VWA8: variants seen among roughly 807,000 people sequenced by gnomAD.
VWA8 encodes the protein von Willebrand factor A domain containing 8.
In VWA8, 221 loss-of-function variants were observed where a neutral mutation model predicts 241.5. The observed-to-expected ratio is 0.91, with a 90% CI of 0.82 to 1.02. The LOEUF (loss-of-function observed/expected upper bound fraction) is 1.02. Among genes scored for constraint, VWA8 ranks in the 50% least tolerant of loss-of-function variants. The pLI, the probability that VWA8 is intolerant of heterozygous loss-of-function variation, is 0.00. For missense variants in VWA8, 2,322 were observed against 2,328.7 expected, an observed-to-expected ratio of 1.00 and a Z score of 0.06; for synonymous variants, 852 against 827.1, an observed-to-expected ratio of 1.03 and a Z score of -0.52.
intron 20 of VWA8, among the ~76,000 whole-genome samples, chr13:41,764,660 GT>G (rs1159094607): frequency 6.6e-6 from 1 of 152,158 alleles, no homozygotes; most frequent in Non-Finnish European, 1.5e-5. Context: ...AGAACAGTAT[GT>G]GTCAAGACTC....
intron 37 of VWA8, among the ~76,000 whole-genome samples, chr13:41,623,733 G>T (rs767918450): frequency 2.6e-5 from 4 of 152,148 alleles, no homozygotes; most frequent in African/African-American, 4.8e-5. Context: ...GGGATACAGA[G>T]ATTTCTCACA....
At chr13:41,623,598 A>G (rs2139668919) in intron 37 of VWA8, among the ~76,000 whole-genome samples, 1 of 152,330 alleles carries the variant, frequency 6.6e-6, no homozygotes, top group South Asian at 2.1e-4. Flanking sequence ...TCAGCACAGA[A>G]ATCCTAATTA....
intron 37 of VWA8, among the ~76,000 whole-genome samples, chr13:41,657,645 G>A (rs1234435803): frequency 2.6e-5 from 4 of 151,840 alleles, no homozygotes; most frequent in South Asian, 2.1e-4. Flanking sequence ...GCCCGCCACC[G>A]CGCCCGGCTA....
chr13:41,673,534 A>G (rs542198854), intron 36 of VWA8, among the ~76,000 whole-genome samples: 1 of 152,338 alleles, frequency 6.6e-6, no homozygotes, highest in South Asian at 2.1e-4. Context: ...GCAAGTCCAA[A>G]TGGAGATGTG....
intron 35 of VWA8, among the ~76,000 whole-genome samples, chr13:41,677,340 C>G (rs550677636): frequency 6.6e-6 from 1 of 152,286 alleles, no homozygotes; most frequent in South Asian, 2.1e-4. Context: ...CCCTGAGTAA[C>G]CATCATCCTC....
chr13:41,629,206 T>C (rs2044711887), intron 37 of VWA8, among the ~76,000 whole-genome samples: 1 of 152,090 alleles, frequency 6.6e-6, no homozygotes, highest in Non-Finnish European at 1.5e-5. Context: ...GGAATATCAT[T>C]AACCAGGGAG....
chr13:41,687,358 A>G (rs1444174332), intron 34 of VWA8, among the ~76,000 whole-genome samples: 1 of 152,224 alleles, frequency 6.6e-6, no homozygotes, highest in African/African-American at 2.4e-5. Context: ...TATTTGCTAC[A>G]GATTCTTATA....
At chr13:41,792,758 T>C (rs1483947334) in intron 17 of VWA8, among the ~76,000 whole-genome samples, 2 of 152,196 alleles carry the variant, frequency 1.3e-5, no homozygotes, top group East Asian at 1.9e-4. Flanking sequence ...TAAAGATGTA[T>C]ACTTTTCTCC....
chr13:41,853,822 G>A (rs911763431), intron 12 of VWA8, among the ~76,000 whole-genome samples: 3 of 151,978 alleles, frequency 2.0e-5, no homozygotes, highest in Admixed American at 6.6e-5. Flanking sequence ...CTTTTCTGTG[G>A]TTTTTCTGTT....
chr13:41,666,943 T>C (rs2044990546), intron 37 of VWA8, among the ~76,000 whole-genome samples: 1 of 152,128 alleles, frequency 6.6e-6, no homozygotes, highest in Admixed American at 6.6e-5. Context: ...CACATGTACA[T>C]ATAACAATCC....
At chr13:41,648,249 C>T (rs2044845115) in intron 37 of VWA8, among the ~76,000 whole-genome samples, 1 of 152,050 alleles carries the variant, frequency 6.6e-6, no homozygotes, top group South Asian at 2.1e-4. Context: ...TTGGAAAAAA[C>T]CCTACCCAAA....
At chr13:41,682,861 A>G (rs1219084290) in intron 35 of VWA8, among the ~76,000 whole-genome samples, 2 of 152,184 alleles carry the variant, frequency 1.3e-5, no homozygotes, top group Non-Finnish European at 1.5e-5. Flanking sequence ...CACATAAAAC[A>G]AAATACTCAA....
At position 41,887,356 on chromosome 13, in the gene VWA8, A is replaced by G; in HGVS notation, c.657T>C (p.His219=). The G allele has an allele frequency of 1.2e-6, 2 of 1,609,722 alleles. No individual in the cohort carries two copies. The highest frequency in any genetic ancestry group is 1.7e-6 in the Non-Finnish European group (2 of 1,178,814). Residue 219 remains histidine (H), a synonymous_variant, in exon 6 of 45, where the codon CAT becomes CAC. Coordinates refer to ENST00000379310, the MANE Select transcript of VWA8 (RefSeq NM_015058.2). Reference sequence around the variant, plus strand: ...TCCAAGAATCCAACTCTTTTTTGGTATGATCCTATAAAAGTAAGAGATCCG... The same window carrying G: ...TCCAAGAATCCAACTCTTTTTTGGTGTGATCCTATAAAAGTAAGAGATCCG... ...AERYDKLLRD[H]TKKELDSWKI...
At chr13:41,675,336 T>C in intron 35 of VWA8, 40 bp from the exon 36 acceptor site, 1 of 1,444,726 alleles carries the variant, frequency 6.9e-7, no homozygotes, top group Non-Finnish European at 9.7e-7. Flanking sequence ...ATTAAATTAC[T>C]GCAAGATACC....
At position 41,912,069 on chromosome 13, in the gene VWA8, G is replaced by A. The variant is rs1392495387; in HGVS notation, c.341C>T (p.Pro114Leu). 1 of 1,606,350 alleles carries A rather than the reference G, an allele frequency of 6.2e-7. No homozygotes were observed. Among genetic ancestry groups the A allele is most frequent in the South Asian group, 1.1e-5 (1 of 89,726 alleles). ...QDVFLIGPPG[P>L]LRRSIAMQYL... ...CTGCATAGCAATAGAGCGTCGAAGA[G>A]GCCCAGGAGGTCCTATTAGAAAAAC... Residue 114 changes from proline (P) to leucine (L), a missense_variant, in exon 3 of 45, where the codon CCT becomes CTT. Pro to Leu is a moderately conservative substitution (Grantham distance 98). Coordinates refer to ENST00000379310, the MANE Select transcript of VWA8 (RefSeq NM_015058.2).
intron 37 of VWA8, among the ~76,000 whole-genome samples, chr13:41,646,635 T>C (rs2044834177): frequency 1.3e-5 from 2 of 152,332 alleles, no homozygotes; most frequent in East Asian, 1.9e-4. Flanking sequence ...GTATTCTTGA[T>C]AGTACAAAAT....
chr13:41,840,715 C>T (rs867798442), intron 12 of VWA8, among the ~76,000 whole-genome samples: 1 of 150,692 alleles, frequency 6.6e-6, no homozygotes, highest in Admixed American at 6.6e-5. Context: ...GCCAAGATTG[C>T]ACCACCGCAC....
chr13:41,679,494 A>T (rs796358136), intron 35 of VWA8, among the ~76,000 whole-genome samples: 1 of 152,182 alleles, frequency 6.6e-6, no homozygotes, highest in African/African-American at 2.4e-5. Flanking sequence ...TCAAAAAAAC[A>T]TTGTACTGCT....
At chr13:41,907,378 T>TA (rs1234514248) in intron 4 of VWA8, among the ~76,000 whole-genome samples, 11 of 152,370 alleles carry the variant, frequency 7.2e-5, no homozygotes, top group Middle Eastern at 6.8e-3. Flanking sequence ...TTAGAACCAT[T>TA]AATTTCATCT....
Sources: gnomAD v4.1 joint callset for allele counts (sites outside exome capture counted in the v4.1 genomes callset) on GRCh38, gnomAD v4.1.1 for gene constraint, MANE v1.5 for transcripts, NCBI Gene and HGNC (gene_info 2026-07-23, HGNC 2026-07-21) for gene names.